The following RBFOX1 variants were observed in gnomAD, a reference collection of about 807,000 sequenced individuals.
The protein encoded by RBFOX1 is RNA binding fox-1 homolog 1, also known as RNA binding protein fox-1 homolog 1.
RBFOX1 carries 8 observed loss-of-function variants against 57.7 expected under a neutral mutation model. The observed-to-expected ratio is 0.14, with a 90% confidence interval of 0.08 to 0.25. RBFOX1 has a LOEUF of 0.25. Ranked by LOEUF, RBFOX1 falls within the 10% of genes least tolerant of loss-of-function variation. The pLI is 1.00. For missense variants in RBFOX1, 611 were observed against 548.5 expected (o/e 1.11, Z -1.14); for synonymous variants, 326 against 222.4 (o/e 1.47, Z -4.15).
At chr16:7,620,876 G>A (rs550483108) in intron 10 of RBFOX1, among the ~76,000 whole-genome samples, 3 of 152,230 alleles carry the variant, frequency 2.0e-5, no homozygotes, top group East Asian at 1.9e-4. Flanking sequence ...AGAAAAAGAC[G>A]TGCATGTGGA....
At chr16:6,523,529 C>G (rs928306899) in intron 2 of RBFOX1, among the ~76,000 whole-genome samples, 39 of 152,180 alleles carry the variant, frequency 2.6e-4, no homozygotes, top group African/African-American at 8.7e-4. Flanking sequence ...CCTATGCTAA[C>G]TGGATGACTT....
intron 2 of RBFOX1, among the ~76,000 whole-genome samples, chr16:6,445,157 A>T (rs1425623045): frequency 6.6e-6 from 1 of 152,150 alleles, no homozygotes. Flanking sequence ...ATGCAAGTGG[A>T]TCAGCAGGGA....
At chr16:5,696,213 C>T (rs1244842509) in intron 3 of RBFOX1, among the ~76,000 whole-genome samples, 27 of 152,066 alleles carry the variant, frequency 1.8e-4, no homozygotes, top group African/African-American at 2.4e-5. Context: ...CCTCTGGGTA[C>T]CTTCTCCCAT....
chr16:5,567,634 G>C (rs1376914220), intron 2 of RBFOX1, among the ~76,000 whole-genome samples: 2 of 10,450 alleles, frequency 1.9e-4, no homozygotes, highest in East Asian at 0.011. Context: ...CAGGTTATAG[G>C]CAAAAAAAAA....
chr16:5,773,329 C>T (rs1357223038), intron 3 of RBFOX1, among the ~76,000 whole-genome samples: 1 of 152,208 alleles, frequency 6.6e-6, no homozygotes, highest in African/African-American at 2.4e-5. Flanking sequence ...TTAACATGTT[C>T]ACAAGCAGCC....
intron 4 of RBFOX1, among the ~76,000 whole-genome samples, chr16:7,080,042 G>GTATATATATATACATAT (rs1555455709): frequency 1.4e-5 from 2 of 142,082 alleles, no homozygotes; most frequent in African/African-American, 5.3e-5. Context: ...GTATATAGAT[G>GTATATATATATACATAT]TATATATATA....
chr16:6,636,819 T>C (rs2098438826), intron 2 of RBFOX1, among the ~76,000 whole-genome samples: 1 of 115,502 alleles, frequency 8.7e-6, no homozygotes, highest in Non-Finnish European at 1.7e-5. Flanking sequence ...ATATAATATA[T>C]AATATATGTT....
rs1018106714 is a variant in RBFOX1 at position 6,642,547 on chromosome 16, G to A, written c.-63-12056G>A. Among the ~76,000 whole-genome samples, 10 of 151,678 alleles carry A rather than the reference G, an allele frequency of 6.6e-5. 1 individual carries two copies. Among genetic ancestry groups the A allele is most frequent in the Admixed American group, 6.6e-5 (1 of 15,214 alleles). On this transcript the variant is annotated intron_variant, in intron 2 of 15. Coordinates refer to ENST00000550418, the MANE Select transcript of RBFOX1 (RefSeq NM_018723.4). ...CCACGCCAGCTCTGCTTGTCTGCAT[G>A]GCTAGATTTTGAGATATGGAAGCCT...
intron 4 of RBFOX1, among the ~76,000 whole-genome samples, chr16:7,480,071 T>A (rs2063571199): frequency 6.6e-6 from 1 of 152,206 alleles, no homozygotes; most frequent in South Asian, 2.1e-4. Context: ...TTCTGAATGG[T>A]CTATGTGAGC....
At chr16:5,635,843 C>G (rs1481978511) in intron 3 of RBFOX1, among the ~76,000 whole-genome samples, 1 of 152,100 alleles carries the variant, frequency 6.6e-6, no homozygotes, top group Non-Finnish European at 1.5e-5. Flanking sequence ...TGATTTCTAT[C>G]ATGCATTCCA....
At chr16:5,429,797 G>C (rs577276066) in intron 1 of RBFOX1, among the ~76,000 whole-genome samples, 1 of 152,310 alleles carries the variant, frequency 6.6e-6, no homozygotes, top group Admixed American at 6.5e-5. Flanking sequence ...GAGTGATTTA[G>C]TAATCGTCTA....
chr16:5,730,098 TA>T (rs2052309950), intron 3 of RBFOX1, among the ~76,000 whole-genome samples: 2 of 152,184 alleles, frequency 1.3e-5, no homozygotes, highest in Admixed American at 1.3e-4. Context: ...ACTCAGAACT[TA>T]CCTGTCAGTG....
intron 3 of RBFOX1, among the ~76,000 whole-genome samples, chr16:5,751,274 A>C (rs982682148): frequency 6.6e-6 from 1 of 152,144 alleles, no homozygotes; most frequent in Non-Finnish European, 1.5e-5. Flanking sequence ...TCTAAACTTC[A>C]CTGATTCTGG....
At chr16:5,625,420 C>G (rs1209925677) in intron 3 of RBFOX1, among the ~76,000 whole-genome samples, 1 of 152,114 alleles carries the variant, frequency 6.6e-6, no homozygotes, top group Non-Finnish European at 1.5e-5. Context: ...GGTCACACAG[C>G]TCCTCAGGAG....
At chr16:6,981,382 A>C (rs928979903) in intron 3 of RBFOX1, among the ~76,000 whole-genome samples, 1 of 152,072 alleles carries the variant, frequency 6.6e-6, no homozygotes, top group Non-Finnish European at 1.5e-5. Context: ...TGCTAAGGAT[A>C]ATGGCCTCGA....
At chr16:6,491,902 C>G (rs1047609881) in intron 2 of RBFOX1, among the ~76,000 whole-genome samples, 6 of 152,108 alleles carry the variant, frequency 3.9e-5, no homozygotes, top group African/African-American at 1.2e-4. Context: ...ATTTATGTAG[C>G]TATAGGAAGT....
intron 4 of RBFOX1, among the ~76,000 whole-genome samples, chr16:7,283,214 G>T (rs1333410644): frequency 6.6e-6 from 1 of 151,790 alleles, no homozygotes; most frequent in Admixed American, 6.6e-5. Context: ...TTTTGACTTT[G>T]TGTGCCTCTC....
At chr16:5,877,444 C>A (rs1446469810) in intron 4 of RBFOX1, among the ~76,000 whole-genome samples, 1 of 152,236 alleles carries the variant, frequency 6.6e-6, no homozygotes, top group South Asian at 2.1e-4. Flanking sequence ...CTAGAGGGGG[C>A]TGTTTAGCTC....
intron 3 of RBFOX1, among the ~76,000 whole-genome samples, chr16:5,661,389 A>T (rs1401235066): frequency 6.6e-6 from 1 of 152,194 alleles, no homozygotes; most frequent in Non-Finnish European, 1.5e-5. Context: ...TATAAGCCAC[A>T]GTAAGTTGTA....
Sources: allele counts gnomAD v4.1 joint callset (sites outside exome capture counted in the v4.1 genomes callset), GRCh38; gene constraint gnomAD v4.1.1; transcripts MANE v1.5; gene names NCBI Gene and HGNC (gene_info 2026-07-23, HGNC 2026-07-21).